Variants in GJB6 observed in about 807,000 individuals in gnomAD.
The protein encoded by GJB6 is gap junction protein beta 6.
Under a neutral mutation model 5.4 loss-of-function variants are expected in GJB6, and 5 were observed. The ratio of observed to expected loss-of-function variants is 0.92; its 90% CI spans 0.48 to 1.93. The LOEUF is 1.93. GJB6 is among the 30% of genes most tolerant of loss of function. GJB6 has a pLI of 0.01. For synonymous variants in GJB6, 136 were observed against 129.6 expected (o/e 1.05, Z -0.34); for missense variants, 298 against 326.9 (o/e 0.91, Z 0.68).
At chr13:20,227,428 G>A (rs1366261639) in intron 4 of GJB6, among the ~76,000 whole-genome samples, 1 of 152,126 alleles carries the variant, frequency 6.6e-6, no homozygotes, top group Admixed American at 6.5e-5. Context: ...CAGTCTCCTG[G>A]TTCAGAGTGT....
At chr13:20,226,289 TAA>T (rs10707264) in intron 4 of GJB6, among the ~76,000 whole-genome samples, 3,985 of 142,400 alleles carry the variant, frequency 0.028, 135 homozygotes, top group African/African-American at 0.09. Context: ...AGGTTTTTCT[TAA>T]AAAAAAAAAA....
At position 20,222,471 on chromosome 13, in the gene GJB6, G is replaced by A. The variant is rs1869237306; in HGVS notation, c.*224C>T. 1.8e-6 allele frequency: 1 copy of A among 566,622 alleles called. No homozygotes were observed. Among genetic ancestry groups the A allele is most frequent in the East Asian group, 2.9e-5 (1 of 34,100 alleles). The allele number at this position is 566,622 out of a possible 1,614,324, so 35.1% of individuals were successfully genotyped here. A position where few individuals can be genotyped will look rare whatever the true frequency, so the allele number is the denominator to read the frequency against. The stretch of plus-strand genomic sequence containing the variant: ...AGGAACCTGTCAAAGTGACTGCAAT[G>A]CTCCTTTGTCAAGCAGTCTCTTGTT... On this transcript the variant is annotated 3_prime_UTR_variant, in exon 5 of 5. Transcript: ENST00000647029.
At chr13:20,232,131 G>T (rs1029327592) in intron 1 of GJB6, 63 bp downstream of exon 1, 7 of 152,278 alleles carry the variant, frequency 4.6e-5, no homozygotes, top group Non-Finnish European at 7.4e-5. Flanking sequence ...TCCTCCGCTG[G>T]GGGGCCGAGG....
intron 4 of GJB6, among the ~76,000 whole-genome samples, chr13:20,228,016 C>G (rs1303007872): frequency 3.3e-5 from 5 of 152,174 alleles, no homozygotes; most frequent in Non-Finnish European, 5.9e-5. Flanking sequence ...AGCGCCCAGC[C>G]CCCAGGTTCT....
intron 4 of GJB6, among the ~76,000 whole-genome samples, chr13:20,224,659 T>C (rs1869452932): frequency 1.3e-5 from 2 of 152,212 alleles, no homozygotes; most frequent in South Asian, 4.1e-4. Flanking sequence ...GCTGCCTTCT[T>C]AGCCTATACT....
chr13:20,228,480 G>T (rs12869291), intron 4 of GJB6, among the ~76,000 whole-genome samples: 14 of 118,122 alleles, frequency 1.2e-4, no homozygotes, highest in South Asian at 2.4e-4. Flanking sequence ...TTTGTTTTTT[G>T]TTTTTGTTTT....
intron 3 of GJB6, chr13:20,230,078 T>A (rs1240740678): frequency 6.6e-6 from 1 of 151,926 alleles, no homozygotes; most frequent in African/African-American, 2.4e-5. Flanking sequence ...ATCAGTGGTT[T>A]AAAAAAAATC....
In GJB6 at chr13:20,226,757, A is replaced by C. The variant is rs191465323; in HGVS notation, c.-16+2823T>G. 1.1e-3 allele frequency among the ~76,000 whole-genome samples: 172 copies of C among 152,326 alleles called. 4 individuals carry two copies. The East Asian group carries it at 0.026, about 23-fold the overall frequency. On this transcript the variant is annotated intron_variant, in intron 4 of 4. Coordinates refer to ENST00000647029, the MANE Select transcript of GJB6 (RefSeq NM_001110219.3). ...TATAAAATGAAGATGTTTTCTTATT[A>C]ACCAAGAAACACCTCCCATTGAAAT...
chr13:20,222,418 A>G lies in GJB6; in HGVS notation c.*277T>C. ...ACAGTTATATAAATTTTCAGAAAGT[A>G]CCCACTTTGTCAGAGAGTCCACTTA... On this transcript the variant is annotated 3_prime_UTR_variant, in exon 5 of 5. Transcript: ENST00000647029. 2.4e-6 allele frequency: 1 copy of G among 409,240 alleles called. No homozygotes were observed. Among genetic ancestry groups the G allele is most frequent in the South Asian group, 4.4e-5 (1 of 22,764 alleles). The allele number at this position is 409,240 out of a possible 1,614,324, so 25.4% of individuals were successfully genotyped here. A position where few individuals can be genotyped will look rare whatever the true frequency, so the allele number is the denominator to read the frequency against.
At chr13:20,223,564 A>G in intron 4 of GJB6, 69 bp from the exon 5 acceptor site, 1 of 1,246,736 alleles carries the variant, frequency 8.0e-7, no homozygotes, top group South Asian at 1.2e-5. Flanking sequence ...CGGTGATATT[A>G]CAGACTGAAG....
Position 20,222,835 on chromosome 13 carries a change from T to TAAAA in GJB6, c.645_646insTTTT (p.Lys216PhefsTer2), listed in dbSNP as rs1330291297. The TAAAA allele has an allele frequency of 1.9e-6, 3 of 1,614,044 alleles. No homozygotes were observed. In the African/African-American group the frequency reaches 4.0e-5, roughly 22 times the overall value. ...CTCTTTGATCTCCTAAAACACACTT[T>TAAAA]CAGCAGCAGGTAGCACAACTCTGCC... On this transcript the variant is annotated frameshift_variant, in exon 5 of 5. Coordinates refer to ENST00000647029, the MANE Select transcript of GJB6 (RefSeq NM_001110219.3). LOFTEE classifies it high-confidence loss of function.
intron 4 of GJB6, among the ~76,000 whole-genome samples, chr13:20,228,684 CCGTGTT>C (rs1296303164): frequency 4.2e-5 from 4 of 96,200 alleles, no homozygotes; most frequent in Non-Finnish European, 7.7e-5. Flanking sequence ...CGGGGTTTCA[CCGTGTT>C]AGCCAGGATG....
Position 20,231,517 on chromosome 13 carries a change from C to A in GJB6, c.-419-12G>T, listed in dbSNP as rs561330751. The A allele has an allele frequency of 6.6e-6, 1 of 152,278 alleles. No homozygotes were observed. The highest frequency in any genetic ancestry group is 1.9e-4 in the East Asian group (1 of 5,174). 9.4% of individuals were successfully genotyped at this position (152,278 alleles called of 1,614,324 possible). On this transcript the variant is annotated splice_polypyrimidine_tract_variant and intron_variant, in intron 1 of 4. Transcript: ENST00000647029. ...CCTGCACGTTTTAACTAAGATGTGTCGCCAATTACTTTTAATTACTGTCGT... is the reference window on the plus strand; with the variant it reads ...CCTGCACGTTTTAACTAAGATGTGTAGCCAATTACTTTTAATTACTGTCGT...
intron 3 of GJB6, 43 bp from the exon 4 acceptor site, chr13:20,229,792 TCCCCCC>T (rs56771888): frequency 1.4e-5 from 1 of 72,816 alleles, no homozygotes; most frequent in African/African-American, 4.9e-5. Flanking sequence ...TTCCTTTAAC[TCCCCCC>T]CCCCCCGCCC....
At chr13:20,231,864 A>G (rs1218104922) in intron 1 of GJB6, among the ~76,000 whole-genome samples, 1 of 152,250 alleles carries the variant, frequency 6.6e-6, no homozygotes, top group African/African-American at 2.4e-5. Flanking sequence ...GTAAAAGTCA[A>G]ACCAGTCCAT....
At chr13:20,227,333 A>T (rs1346430791) in intron 4 of GJB6, among the ~76,000 whole-genome samples, 1 of 152,202 alleles carries the variant, frequency 6.6e-6, no homozygotes, top group African/African-American at 2.4e-5. Flanking sequence ...CTTTAAAGGA[A>T]GAAAAGTAAA....
chr13:20,229,296 A>G (rs1425136132), intron 4 of GJB6, among the ~76,000 whole-genome samples: 2 of 135,070 alleles, frequency 1.5e-5, no homozygotes, highest in Non-Finnish European at 3.1e-5. Flanking sequence ...CTACAGGCAT[A>G]TGCCACCATA....
chr13:20,222,666 T>C lies in GJB6; in HGVS notation c.*29A>G. 1 of 1,601,990 alleles carries C rather than the reference T, an allele frequency of 6.2e-7. No homozygotes were observed. The highest frequency in any genetic ancestry group is 8.6e-7 in the Non-Finnish European group (1 of 1,168,944). Reference sequence around the variant, plus strand: ...TCTGGAGAAGACAGAAGTCTCCTTATGACGCAGCTACATTTTACCTTGAAA... The same window carrying C: ...TCTGGAGAAGACAGAAGTCTCCTTACGACGCAGCTACATTTTACCTTGAAA... On this transcript the variant is annotated 3_prime_UTR_variant, in exon 5 of 5. Transcript: ENST00000647029.
At chr13:20,223,590 G>C (rs1020663666) in intron 4 of GJB6, 95 bp from the exon 5 acceptor site, 7 of 964,058 alleles carry the variant, frequency 7.3e-6, no homozygotes, top group Non-Finnish European at 1.0e-5. Flanking sequence ...TTTATTTTAA[G>C]GTAGGCTGTG....
Sources: gnomAD v4.1 joint callset for allele counts (sites outside exome capture counted in the v4.1 genomes callset) on GRCh38, gnomAD v4.1.1 for gene constraint, MANE v1.5 for transcripts, NCBI Gene and HGNC (gene_info 2026-07-23, HGNC 2026-07-21) for gene names.